Variants in COL23A1 observed in about 807,000 individuals in gnomAD.
The protein encoded by COL23A1 is collagen alpha-1(XXIII) chain.
Under a neutral mutation model 99.3 loss-of-function variants are expected in COL23A1, and 97 were observed. The observed-to-expected ratio is 0.98, with a 90% CI of 0.83 to 1.16. The LOEUF (loss-of-function observed/expected upper bound fraction) is 1.16, where lower values mean the gene tolerates loss of function less well. Among genes scored for constraint, COL23A1 ranks in the 50% most tolerant of loss-of-function variants. The pLI, the probability that COL23A1 is intolerant of heterozygous loss-of-function variation, is 0.00. For missense variants in COL23A1, 762 were observed against 757.4 expected (o/e 1.01, Z -0.07); for synonymous variants, 320 against 308.2 (o/e 1.04, Z -0.40).
At chr5:178,348,505 G>A (rs1260677591) in intron 2 of COL23A1, among the ~76,000 whole-genome samples, 1 of 152,166 alleles carries the variant, frequency 6.6e-6, no homozygotes, top group Non-Finnish European at 1.5e-5. Flanking sequence ...TGGCAGTCAG[G>A]GTTGGGTGTG....
intron 1 of COL23A1, among the ~76,000 whole-genome samples, chr5:178,570,761 G>A (rs942732869): frequency 6.6e-6 from 1 of 152,148 alleles, no homozygotes; most frequent in Non-Finnish European, 1.5e-5. Context: ...ATGGAGGGGG[G>A]ACGCGGGTGG....
intron 2 of COL23A1, among the ~76,000 whole-genome samples, chr5:178,363,632 C>T (rs1410543017): frequency 1.3e-5 from 2 of 152,216 alleles, no homozygotes; most frequent in Non-Finnish European, 2.9e-5. Context: ...AACACTCCCT[C>T]GACCCACAGT....
rs780965154 is a variant in COL23A1 at position 178,306,921 on chromosome 5, TAGACAGG to T, written c.362-9_362-3del. The T allele has an allele frequency of 7.9e-6, 12 of 1,527,598 alleles. No individual in the cohort carries two copies. The highest frequency in any genetic ancestry group is 1.4e-5 in the African/African-American group (1 of 70,426). 94.6% of individuals were successfully genotyped at this position (1,527,598 alleles called of 1,614,324 possible). A position where few individuals can be genotyped will look rare whatever the true frequency, so the allele number is the denominator to read the frequency against. ...GCTTGCCGCGCCGTCCAGGGGGCCC[TAGACAGG>T]AAAACAAGAATGCATTCATTGAGAA... On this transcript the variant is annotated splice_polypyrimidine_tract_variant and splice_region_variant and intron_variant, in intron 2 of 28. Transcript: ENST00000390654. The surrounding 1 kb of genome is among the most constrained non-coding windows in gnomAD (Gnocchi z 4.1).
At chr5:178,326,517 C>T (rs1020837945) in intron 2 of COL23A1, among the ~76,000 whole-genome samples, 1 of 152,140 alleles carries the variant, frequency 6.6e-6, no homozygotes, top group Non-Finnish European at 1.5e-5. Context: ...ACATGACACC[C>T]TGAGAAGAAA....
At chr5:178,529,969 C>T (rs1006903552) in intron 2 of COL23A1, among the ~76,000 whole-genome samples, 4 of 152,180 alleles carry the variant, frequency 2.6e-5, no homozygotes, top group Non-Finnish European at 4.4e-5. Context: ...AGGAAGATCC[C>T]GCTCTAGCAG....
chr5:178,523,201 T>TATATATAGAG (rs1223542330), intron 2 of COL23A1, among the ~76,000 whole-genome samples: 515 of 77,500 alleles, frequency 6.6e-3, no homozygotes, highest in Non-Finnish European at 9.4e-3. Context: ...TATATATATA[T>TATATATAGAG]AGAGAGAGAG....
chr5:178,519,742 T>C (rs1337535838), intron 2 of COL23A1, among the ~76,000 whole-genome samples: 2 of 152,232 alleles, frequency 1.3e-5, no homozygotes, highest in South Asian at 2.1e-4. Flanking sequence ...CCACCAGGCC[T>C]GTGATAAATA....
chr5:178,271,761 G>A (rs934134284), intron 5 of COL23A1, among the ~76,000 whole-genome samples: 1 of 152,224 alleles, frequency 6.6e-6, no homozygotes, highest in African/African-American at 2.4e-5. Context: ...CCGGCAGGGC[G>A]CATTGTGGCG....
At chr5:178,528,569 T>C (rs2113170856) in intron 2 of COL23A1, among the ~76,000 whole-genome samples, 1 of 152,274 alleles carries the variant, frequency 6.6e-6, no homozygotes. Context: ...ATCCCAGCAC[T>C]TTGGGAGGCC....
chr5:178,344,130 C>T (rs1230058313), intron 2 of COL23A1, among the ~76,000 whole-genome samples: 1 of 152,110 alleles, frequency 6.6e-6, no homozygotes, highest in Non-Finnish European at 1.5e-5. Context: ...TATGGTCATC[C>T]CTTGGTATCT....
chr5:178,273,611 T>C (rs1756417712), intron 5 of COL23A1, among the ~76,000 whole-genome samples: 1 of 152,220 alleles, frequency 6.6e-6, no homozygotes, highest in Admixed American at 6.5e-5. Context: ...AAGCCGAGCC[T>C]GTGCCTGCAC....
At chr5:178,359,514 C>T (rs971919308) in intron 2 of COL23A1, among the ~76,000 whole-genome samples, 6 of 152,018 alleles carry the variant, frequency 3.9e-5, no homozygotes, top group South Asian at 4.1e-4. Flanking sequence ...GGTGACAGAG[C>T]GAAACTCTTG....
intron 2 of COL23A1, among the ~76,000 whole-genome samples, chr5:178,538,447 G>A (rs1248709187): frequency 6.6e-6 from 1 of 152,138 alleles, no homozygotes; most frequent in Non-Finnish European, 1.5e-5. Flanking sequence ...AGATTCAGTA[G>A]ACATAAAATT....
intron 2 of COL23A1, chr5:178,345,071 G>C (rs780893809): frequency 5.1e-6 from 3 of 587,210 alleles, no homozygotes; most frequent in Non-Finnish European, 9.9e-6. Context: ...TGTTAAAGAA[G>C]CTTTTGGTTC....
intron 2 of COL23A1, among the ~76,000 whole-genome samples, chr5:178,498,652 C>T (rs1023799784): frequency 2.0e-5 from 3 of 151,588 alleles, no homozygotes; most frequent in Admixed American, 6.6e-5. Flanking sequence ...TTTTTAAGTC[C>T]GAATAAATCA....
intron 17 of COL23A1, among the ~76,000 whole-genome samples, chr5:178,252,092 T>C (rs1765068455): frequency 6.6e-6 from 1 of 151,736 alleles, no homozygotes; most frequent in Admixed American, 6.6e-5. Context: ...TTTTTGTATT[T>C]TTAGTAGAGA....
At chr5:178,411,606 G>A (rs1301614982) in intron 2 of COL23A1, among the ~76,000 whole-genome samples, 3 of 152,212 alleles carry the variant, frequency 2.0e-5, no homozygotes, top group Non-Finnish European at 2.9e-5. Context: ...AAAGCAGACT[G>A]GTGGTTCCCA....
intron 2 of COL23A1, among the ~76,000 whole-genome samples, chr5:178,523,174 A>C (rs1760065167): frequency 1.1e-5 from 1 of 91,028 alleles, no homozygotes; most frequent in African/African-American, 4.0e-5. Context: ...ATATATATAT[A>C]TATACACATA....
intron 10 of COL23A1, 41 bp from the exon 11 acceptor site, chr5:178,261,789 G>A: frequency 6.6e-7 from 1 of 1,525,514 alleles, no homozygotes; most frequent in Non-Finnish European, 9.1e-7. Flanking sequence ...TCATACTGGA[G>A]GCTGCTCCTG....
Sources: allele counts gnomAD v4.1 joint callset (sites outside exome capture counted in the v4.1 genomes callset), GRCh38; gene constraint gnomAD v4.1.1; non-coding constraint Gnocchi (gnomAD v3.1); transcripts MANE v1.5; gene names NCBI Gene and HGNC (gene_info 2026-07-23, HGNC 2026-07-21).